The following NPEPL1 variants were observed in gnomAD, a reference collection of about 807,000 sequenced individuals.
NPEPL1 encodes aminopeptidase like 1.
In NPEPL1, 45 loss-of-function variants were observed where a neutral mutation model predicts 52.4. The ratio of observed to expected loss-of-function variants is 0.86; its 90% CI spans 0.68 to 1.10. The LOEUF (loss-of-function observed/expected upper bound fraction) is 1.10. NPEPL1 is among the 50% of genes least tolerant of loss of function. The probability of loss-of-function intolerance (pLI) is 0.00; values close to 1 mark genes in which losing one functional copy is unlikely to be tolerated. For missense variants in NPEPL1, 696 were observed against 710.9 expected (o/e 0.98, Z 0.24); for synonymous variants, 360 against 314.7 (o/e 1.14, Z -1.52).
rs2084899222 is a variant in NPEPL1, at chr20:58,713,591, C to A, written c.1125+48C>A. Reference sequence around the variant, plus strand: ...CCTTAGCTGTAGTCCCAGGGAACCCCACCCCACTCTTGACCTCAAGGTGGG... The same window carrying A: ...CCTTAGCTGTAGTCCCAGGGAACCCAACCCCACTCTTGACCTCAAGGTGGG... On this transcript the variant is annotated intron_variant, in intron 9 of 11. Coordinates refer to ENST00000356091, the MANE Select transcript of NPEPL1 (RefSeq NM_024663.4). The surrounding 1 kb of genome is among the most constrained non-coding windows in gnomAD (Gnocchi z 4.6). The A allele has an allele frequency of 6.5e-7, 1 of 1,527,888 alleles. No individual in the cohort carries two copies. Among genetic ancestry groups the A allele is most frequent in the African/African-American group, 1.4e-5 (1 of 72,904 alleles). 94.6% of individuals were successfully genotyped at this position (1,527,888 alleles called of 1,614,324 possible). A position where few individuals can be genotyped will look rare whatever the true frequency, so the allele number is the denominator to read the frequency against.
chr20:58,701,031 G>T lies in NPEPL1; in HGVS notation c.695G>T (p.Gly232Val). 2 of 1,590,354 alleles carry T rather than the reference G, an allele frequency of 1.3e-6. No individual in the cohort carries two copies. The highest frequency in any genetic ancestry group is 8.6e-7 in the Non-Finnish European group (1 of 1,169,246). ...TRGFGGIYGV[G>V]KAALHPPALA... ...CTTTCCATAGGAATCTATGGGGTTG[G>T]CAAAGCCGCCCTGCATCCCCCAGCC... is the stretch of plus-strand genomic sequence containing the variant. Residue 232 changes from glycine to valine, a missense_variant, in exon 6 of 12, where the codon GGC (glycine) becomes GTC (valine). Coordinates refer to ENST00000356091, the MANE Select transcript of NPEPL1 (RefSeq NM_024663.4).
intron 3 of NPEPL1, among the ~76,000 whole-genome samples, chr20:58,695,995 C>G (rs1174227018): frequency 1.3e-5 from 2 of 152,210 alleles, no homozygotes; most frequent in African/African-American, 2.4e-5. Flanking sequence ...TCCAGCGTTC[C>G]GACCTGCTCA....
At chr20:58,701,629 G>A (rs1378895146) in intron 6 of NPEPL1, among the ~76,000 whole-genome samples, 1 of 152,170 alleles carries the variant, frequency 6.6e-6, no homozygotes, top group African/African-American at 2.4e-5. Flanking sequence ...TGGCAAGCAG[G>A]GCCAGGGAGG....
chr20:58,714,918 C>A, intron 11 of NPEPL1: 1 of 613,184 alleles, frequency 1.6e-6, no homozygotes, highest in Non-Finnish European at 2.8e-6. Flanking sequence ...CCATCCCCAC[C>A]CTGAGGAGCT....
chr20:58,695,011 T>G, intron 3 of NPEPL1, among the ~76,000 whole-genome samples: 1 of 490 alleles, frequency 2.0e-3, no homozygotes, highest in Non-Finnish European at 4.0e-3. Flanking sequence ...TGTGCATGTG[T>G]GATGTGTGTG....
intron 3 of NPEPL1, among the ~76,000 whole-genome samples, chr20:58,695,082 G>GTGTT (rs879269923): frequency 0.034 from 256 of 7,476 alleles, no homozygotes; most frequent in South Asian, 0.047. Flanking sequence ...TGTGTGTGGT[G>GTGTT]TACGTGTGGT....
chr20:58,698,827 A>T, intron 4 of NPEPL1, 54 bp downstream of exon 4: 1 of 1,510,470 alleles, frequency 6.6e-7, no homozygotes, highest in Non-Finnish European at 9.1e-7. Context: ...GGTGTCATAG[A>T]CTCCCAGGAG....
At position 58,692,868 on chromosome 20, in the gene NPEPL1, CCGGGCAGGGCCGGGG is replaced by C; in HGVS notation, c.-30_-16del. On this transcript the variant is annotated 5_prime_UTR_variant, in exon 1 of 12. Transcript: ENST00000356091. This position sits in a 1 kb window ranked among gnomAD's most constrained non-coding sequence, Gnocchi z 5.7. Reference sequence around the variant, plus strand: ...GGGCCGAGCGGCGGGCCGGGCCGGGCCGGGCAGGGCCGGGGCGTGGGCCGGCAGGAAGATGGCGAA... The same window carrying C: ...GGGCCGAGCGGCGGGCCGGGCCGGGCCGTGGGCCGGCAGGAAGATGGCGAA... The C allele has an allele frequency of 2.0e-6, 2 of 1,007,602 alleles. No homozygotes were observed. Among genetic ancestry groups the C allele is most frequent in the South Asian group, 8.6e-5 (2 of 23,312 alleles). The allele number at this position is 1,007,602 out of a possible 1,614,324, so 62.4% of individuals were successfully genotyped here. A position where few individuals can be genotyped will look rare whatever the true frequency, so the allele number is the denominator to read the frequency against.
At chr20:58,707,327 GT>G (rs1363702186) in intron 7 of NPEPL1, 127 bp downstream of exon 7, 2 of 859,840 alleles carry the variant, frequency 2.3e-6, no homozygotes, top group Admixed American at 5.5e-5. Context: ...GCGGATGCTT[GT>G]CCCCCCTCTG....
chr20:58,691,613 G>C (rs938318115), upstream of NPEPL1: 1 of 638,514 alleles, frequency 1.6e-6, no homozygotes. Flanking sequence ...GAGCTAGGGG[G>C]CCAGCTGGGA....
intron 7 of NPEPL1, among the ~76,000 whole-genome samples, chr20:58,712,242 TCCACTGCGGCGGGTGG>T: frequency 1.3e-5 from 2 of 152,262 alleles, no homozygotes; most frequent in East Asian, 3.9e-4. Context: ...CCCAGGCTCA[TCCACTGCGGCGGGTGG>T]CCTCTGCCAG....
At chr20:58,692,394 G>C (rs1195639066), upstream of NPEPL1, among the ~76,000 whole-genome samples, 1 of 152,220 alleles carries the variant, frequency 6.6e-6, no homozygotes, top group East Asian at 1.9e-4. The surrounding 1 kb of genome is among the most constrained non-coding windows in gnomAD (Gnocchi z 5.7). Context: ...GGGTGGCCAG[G>C]GTGCGGGGTC....
Position 58,701,469 on chromosome 20 carries a change from T to C in NPEPL1, c.822+311T>C, listed in dbSNP as rs1424827624. ...GGTTTCTGGGGGTTCTGGGTTGGGG[T>C]GGGTTCGGGGAGAGTGCGCAGGGCG... On this transcript the variant is annotated intron_variant, in intron 6 of 11. Transcript: ENST00000356091. Among the ~76,000 whole-genome samples the C allele has an allele frequency of 1.3e-4, 4 of 31,088 alleles. No individual in the cohort carries two copies. In the Admixed American group the frequency reaches 1.7e-3, roughly 13 times the overall value. 20.4% of individuals were successfully genotyped at this position (31,088 alleles called of 152,430 possible).
At chr20:58,695,058 G>GTTGC (rs2084442811) in intron 3 of NPEPL1, among the ~76,000 whole-genome samples, 2 of 103,204 alleles carry the variant, frequency 1.9e-5, no homozygotes, top group Non-Finnish European at 2.1e-5. Context: ...GTTTGCTGGT[G>GTTGC]TGTGCATGAG....
At chr20:58,703,022 A>G (rs1300114955) in intron 6 of NPEPL1, among the ~76,000 whole-genome samples, 2 of 152,164 alleles carry the variant, frequency 1.3e-5, no homozygotes, top group Non-Finnish European at 2.9e-5. Flanking sequence ...CGTTTTGACC[A>G]TCCCGCACTC....
intron 6 of NPEPL1, among the ~76,000 whole-genome samples, chr20:58,703,142 G>T (rs150844800): frequency 6.6e-6 from 1 of 152,314 alleles, no homozygotes; most frequent in Non-Finnish European, 1.5e-5. Flanking sequence ...CTGTCAGAGC[G>T]ATTCTCAGAA....
At chr20:58,691,096 C>G, upstream of NPEPL1, 1 of 703,234 alleles carries the variant, frequency 1.4e-6, no homozygotes, top group African/African-American at 1.7e-5. Flanking sequence ...CCTATTACAT[C>G]TGTCAGGGCA....
intron 6 of NPEPL1, among the ~76,000 whole-genome samples, chr20:58,703,027 G>T (rs116732751): frequency 1.4e-4 from 21 of 152,166 alleles, no homozygotes; most frequent in African/African-American, 4.6e-4. Flanking sequence ...TGACCATCCC[G>T]CACTCTCGTG....
intron 2 of NPEPL1, 139 bp from the exon 3 acceptor site, chr20:58,694,283 G>T (rs2084414792): frequency 2.4e-6 from 2 of 821,616 alleles, no homozygotes; most frequent in Admixed American, 5.6e-5. Context: ...GAGGGATGGG[G>T]TGGCGGCTGC....
Sources: gnomAD v4.1 joint callset for allele counts (sites outside exome capture counted in the v4.1 genomes callset) on GRCh38, gnomAD v4.1.1 for gene constraint, Gnocchi (gnomAD v3.1) non-coding constraint, MANE v1.5 for transcripts, NCBI Gene and HGNC (gene_info 2026-07-23, HGNC 2026-07-21) for gene names.